The following CEP78 variants were observed in gnomAD, a reference collection of about 807,000 sequenced individuals.
CEP78 encodes centrosomal protein of 78 kDa.
A neutral mutation model predicts 81.2 loss-of-function variants in CEP78; 76 were observed. That is an observed-to-expected ratio of 0.94 (90% CI 0.78 to 1.13). The LOEUF (loss-of-function observed/expected upper bound fraction) is 1.13, where lower values mean the gene tolerates loss of function less well. Ranked by LOEUF, CEP78 falls within the 50% of genes most tolerant of loss-of-function variation. CEP78 has a pLI of 0.00. For missense variants in CEP78, 918 were observed against 846.8 expected (o/e 1.08, Z -1.04); for synonymous variants, 293 against 301.4 (o/e 0.97, Z 0.29).
At chr9:78,246,269 C>CA (rs1163282959) in intron 5 of CEP78, among the ~76,000 whole-genome samples, 1 of 151,606 alleles carries the variant, frequency 6.6e-6, no homozygotes, top group Non-Finnish European at 1.5e-5. Context: ...AGGAGTCTTC[C>CA]AGGCATGAAT....
At chr9:78,267,768 A>G (rs182751876) in intron 16 of CEP78, among the ~76,000 whole-genome samples, 2 of 152,182 alleles carry the variant, frequency 1.3e-5, no homozygotes, top group Non-Finnish European at 2.9e-5. Flanking sequence ...TTTCAAAGGC[A>G]GAGTTAGTAA....
At chr9:78,245,749 G>A (rs1826447965) in intron 5 of CEP78, among the ~76,000 whole-genome samples, 1 of 152,104 alleles carries the variant, frequency 6.6e-6, no homozygotes, top group South Asian at 2.1e-4. Flanking sequence ...TTACTTGAGA[G>A]AGAGTTCTTG....
chr9:78,240,410 A>G (rs772331122), intron 3 of CEP78, 46 bp downstream of exon 3: 3 of 1,444,632 alleles, frequency 2.1e-6, no homozygotes, highest in South Asian at 1.2e-5. Context: ...GGCTGGTTTC[A>G]TGTTTCCCTA....
rs1187185556 is a variant in CEP78, at chr9:78,236,094, C to G, written c.-257C>G. 2.0e-6 allele frequency: 1 copy of G among 508,540 alleles called. No individual in the cohort carries two copies. Among genetic ancestry groups the G allele is most frequent in the Non-Finnish European group, 3.5e-6 (1 of 288,554 alleles). 31.5% of individuals were successfully genotyped at this position (508,540 alleles called of 1,614,324 possible). On this transcript the variant is annotated 5_prime_UTR_variant, in exon 1 of 17. Coordinates refer to ENST00000643273, the MANE Select transcript of CEP78 (RefSeq NM_001330691.3). Reference sequence around the variant, plus strand: ...CCCACCGGCTTGAATCCCGGCGCCTCAGAGGACTATGAGGCGGGCGCCAAC... The same window carrying G: ...CCCACCGGCTTGAATCCCGGCGCCTGAGAGGACTATGAGGCGGGCGCCAAC...
At position 78,273,741 on chromosome 9, in the gene CEP78, G is replaced by A. The variant is rs527850798; in HGVS notation, c.*2890G>A. Reference sequence around the variant, plus strand: ...CAGCCTGGGCCATAGAGGAGACTCCGTCTCAAACAAACAAAAACCTTCATC... The same window carrying A: ...CAGCCTGGGCCATAGAGGAGACTCCATCTCAAACAAACAAAAACCTTCATC... On this transcript the variant is annotated 3_prime_UTR_variant, in exon 17 of 17. Transcript: ENST00000643273. 6.6e-6 allele frequency: 1 copy of A among 152,288 alleles called. No homozygotes were observed. The highest frequency in any genetic ancestry group is 2.4e-5 in the African/African-American group (1 of 41,546). The allele number at this position is 152,288 out of a possible 1,614,324, so 9.4% of individuals were successfully genotyped here. A position where few individuals can be genotyped will look rare whatever the true frequency, so the allele number is the denominator to read the frequency against.
chr9:78,252,051 A>T lies in CEP78; in HGVS notation c.1205+8A>T. On this transcript the variant is annotated splice_region_variant and intron_variant, in intron 9 of 16. Transcript: ENST00000643273. ...ACGTGCAAAAAGACACAGGTAGGGT[A>T]TTTTTATTTCCTATCTTTTAGGATA... is the stretch of plus-strand genomic sequence containing the variant. 1 of 1,571,410 alleles carries T rather than the reference A, an allele frequency of 6.4e-7. No individual in the cohort carries two copies. The highest frequency in any genetic ancestry group is 1.3e-5 in the African/African-American group (1 of 74,452).
At chr9:78,241,254 T>C (rs768818242) in intron 3 of CEP78, among the ~76,000 whole-genome samples, 68 of 152,298 alleles carry the variant, frequency 4.5e-4, no homozygotes, top group Middle Eastern at 6.8e-3. Flanking sequence ...CTCTGTCTTC[T>C]ATTGTTCTAG....
Position 78,258,178 on chromosome 9 carries a change from A to G in CEP78, c.1380+3214A>G, listed in dbSNP as rs542783906. Among the ~76,000 whole-genome samples, 6 of 152,342 alleles carry G rather than the reference A, an allele frequency of 3.9e-5. No individual in the cohort carries two copies. The South Asian group carries it at 1.2e-3, about 32-fold the overall frequency. ...AGAATAACCTGTGGTAGGTGTTACT[A>G]TTAGTCCTACTTTTCAGAAAAGAAG... On this transcript the variant is annotated intron_variant, in intron 11 of 16. Coordinates refer to ENST00000643273, the MANE Select transcript of CEP78 (RefSeq NM_001330691.3).
intron 4 of CEP78, 101 bp downstream of exon 4, chr9:78,241,900 G>T: frequency 1.6e-6 from 1 of 606,904 alleles, no homozygotes; most frequent in South Asian, 2.5e-5. Flanking sequence ...TGATACATAT[G>T]GGCATTGCAG....
intron 5 of CEP78, among the ~76,000 whole-genome samples, chr9:78,245,149 G>A (rs1826418626): frequency 6.6e-6 from 1 of 151,818 alleles, no homozygotes. Context: ...GTCTTGTGGT[G>A]TCTTAGTCAG....
In CEP78 at chr9:78,266,557, C is replaced by G. The variant is rs1275110650; in HGVS notation, c.1961C>G (p.Thr654Ser). 6.2e-7 allele frequency: 1 copy of G among 1,613,966 alleles called. No individual in the cohort carries two copies. The highest frequency in any genetic ancestry group is 1.1e-5 in the South Asian group (1 of 91,072). ...AGCAACAACCTAGGAGTCCCAGCTA[C>G]TGAGCAGCGGCAGGAGTCTTTTGAA... ...TSSNNLGVPA[T>S]EQRQESFEGF... Residue 654 changes from threonine (T) to serine (S), a missense_variant, in exon 16 of 17, where the codon ACT becomes AGT. Transcript: ENST00000643273.
intron 8 of CEP78, among the ~76,000 whole-genome samples, chr9:78,250,925 C>A (rs1826730196): frequency 6.6e-6 from 1 of 152,038 alleles, no homozygotes; most frequent in Admixed American, 6.5e-5. Flanking sequence ...ATAAGTTACA[C>A]CACGGGAAAT....
At chr9:78,269,878 TA>T (rs1827653697) in intron 16 of CEP78, among the ~76,000 whole-genome samples, 1 of 152,228 alleles carries the variant, frequency 6.6e-6, no homozygotes, top group African/African-American at 2.4e-5. Flanking sequence ...GAGGCTCATT[TA>T]TGCAGCAGGA....
Position 78,278,795 on chromosome 9 carries a change from CT to C in CEP78, c.*7946del, listed in dbSNP as rs1827852496. 6.6e-6 allele frequency: 1 copy of C among 152,144 alleles called. No homozygotes were observed. Among genetic ancestry groups the C allele is most frequent in the Admixed American group, 6.5e-5 (1 of 15,274 alleles). The allele number at this position is 152,144 out of a possible 1,614,324, so 9.4% of individuals were successfully genotyped here. On this transcript the variant is annotated 3_prime_UTR_variant, in exon 17 of 17. Transcript: ENST00000643273. ...CTTGAGCTCTTTAACTCTCTATAGTCTTCTGGTAATTTTCTTTAGATTTCCC... is the reference window on the plus strand; with the variant it reads ...CTTGAGCTCTTTAACTCTCTATAGTCTCTGGTAATTTTCTTTAGATTTCCC...
rs1327934591 is a variant in CEP78 at position 78,266,543 on chromosome 9, A to G, written c.1947A>G (p.Leu649=). The G allele has an allele frequency of 1.2e-6, 2 of 1,613,904 alleles. No individual in the cohort carries two copies. The highest frequency in any genetic ancestry group is 2.2e-5 in the East Asian group (1 of 44,886). The change falls in exon 16 of 17, where the codon CTA becomes CTG. Residue 649 remains leucine (L), a synonymous_variant. Coordinates refer to ENST00000643273, the MANE Select transcript of CEP78 (RefSeq NM_001330691.3). ...GCTTAGGAACTTCCAGCAACAACCT[A>G]GGAGTCCCAGCTACTGAGCAGCGGC... ...PEGLGTSSNN[L]GVPATEQRQE...
In CEP78 at chr9:78,277,040, G is replaced by A. The variant is rs1827818256; in HGVS notation, c.*6189G>A. 1 of 151,778 alleles carries A rather than the reference G, an allele frequency of 6.6e-6. No individual in the cohort carries two copies. Among genetic ancestry groups the A allele is most frequent in the African/African-American group, 2.4e-5 (1 of 41,338 alleles). 9.4% of individuals were successfully genotyped at this position (151,778 alleles called of 1,614,324 possible). A position where few individuals can be genotyped will look rare whatever the true frequency, so the allele number is the denominator to read the frequency against. ...ACCGAGAACCTAGGAACAGAGCAAT[G>A]TATATATATATGTATTTAAAAAATG... is the stretch of plus-strand genomic sequence containing the variant. On this transcript the variant is annotated 3_prime_UTR_variant, in exon 17 of 17. Transcript: ENST00000643273.
At chr9:78,260,427 G>C (rs772134511) in intron 11 of CEP78, among the ~76,000 whole-genome samples, 43 of 152,252 alleles carry the variant, frequency 2.8e-4, no homozygotes, top group Middle Eastern at 3.4e-3. Context: ...GTCAAAGTTG[G>C]CCAGGTGCGG....
chr9:78,241,736 A>G lies in CEP78; in HGVS notation c.540A>G (p.Thr180=). ...TAAAGAGCTCTATCACTCTTAAGACAGTCAACTTCACAGGATGTAATCTGA... is the reference window on the plus strand; with the variant it reads ...TAAAGAGCTCTATCACTCTTAAGACGGTCAACTTCACAGGATGTAATCTGA... ...QGIKSSITLK[T]VNFTGCNLTW... The change falls in exon 4 of 17, where the codon ACA becomes ACG. Residue 180 remains threonine, a synonymous_variant. Transcript: ENST00000643273. 6.2e-7 allele frequency: 1 copy of G among 1,610,158 alleles called. No homozygotes were observed. Among genetic ancestry groups the G allele is most frequent in the Non-Finnish European group, 8.5e-7 (1 of 1,176,890 alleles).
At position 78,266,539 on chromosome 9, in the gene CEP78, A is replaced by T. The variant is rs371636739; in HGVS notation, c.1943A>T (p.Asn648Ile). The change falls in exon 16 of 17, where the codon AAC (asparagine) becomes ATC (isoleucine). Residue 648 changes from asparagine (N) to isoleucine (I), a missense_variant. Coordinates refer to ENST00000643273, the MANE Select transcript of CEP78 (RefSeq NM_001330691.3). The part of the protein sequence containing the change: ...TPEGLGTSSN[N>I]LGVPATEQRQ... ...GAGGGCTTAGGAACTTCCAGCAACA[A>T]CCTAGGAGTCCCAGCTACTGAGCAG... The T allele has an allele frequency of 1.2e-6, 2 of 1,613,894 alleles. No homozygotes were observed. Among genetic ancestry groups the T allele is most frequent in the South Asian group, 2.2e-5 (2 of 91,084 alleles).
Sources: allele counts gnomAD v4.1 joint callset (sites outside exome capture counted in the v4.1 genomes callset), GRCh38; gene constraint gnomAD v4.1.1; transcripts MANE v1.5; gene names NCBI Gene and HGNC (gene_info 2026-07-23, HGNC 2026-07-21).